Variants in CCDC175 observed in about 807,000 individuals in gnomAD.
CCDC175 encodes the protein coiled-coil domain containing 175.
A neutral mutation model predicts 114.6 loss-of-function variants in CCDC175; 100 were observed. The ratio of observed to expected loss-of-function variants is 0.87; its 90% confidence interval spans 0.74 to 1.03. The LOEUF (loss-of-function observed/expected upper bound fraction) is 1.03, where lower values mean the gene tolerates loss of function less well. Ranked by LOEUF, CCDC175 falls within the 50% of genes least tolerant of loss-of-function variation. CCDC175 has a pLI of 0.00. For missense variants in CCDC175, 880 were observed against 917.8 expected (o/e 0.96, Z 0.53); for synonymous variants, 306 against 308.7 (o/e 0.99, Z 0.09).
At chr14:59,507,686 C>T (rs997426896) in intron 19 of CCDC175, among the ~76,000 whole-genome samples, 1 of 152,200 alleles carries the variant, frequency 6.6e-6, no homozygotes, top group African/African-American at 2.4e-5. Context: ...ACTATCACCT[C>T]TCCAGGAGGG....
chr14:59,519,888 C>G (rs1189462082), intron 17 of CCDC175, among the ~76,000 whole-genome samples: 2 of 152,228 alleles, frequency 1.3e-5, no homozygotes, highest in African/African-American at 4.8e-5. Flanking sequence ...GGCCAAACTG[C>G]TACATGGAGA....
rs1007062957 is a variant in CCDC175, at chr14:59,510,602, T to C, written c.2305+44A>G. On this transcript the variant is annotated intron_variant, in intron 19 of 19. Coordinates refer to ENST00000537690, the MANE Select transcript of CCDC175 (RefSeq NM_001164399.2). ...TGATGTTACCAGCTATATAGTAAAATAGCAGGAAGTCCCATGTTACCAAAG... is the reference window on the plus strand; with the variant it reads ...TGATGTTACCAGCTATATAGTAAAACAGCAGGAAGTCCCATGTTACCAAAG... The C allele has an allele frequency of 9.8e-6, 15 of 1,528,458 alleles. No individual in the cohort carries two copies. The Admixed American group carries it at 2.6e-4, about 26-fold the overall frequency. 94.7% of individuals were successfully genotyped at this position (1,528,458 alleles called of 1,614,324 possible).
At chr14:59,555,246 C>T (rs889484595) in intron 7 of CCDC175, among the ~76,000 whole-genome samples, 11 of 151,726 alleles carry the variant, frequency 7.2e-5, no homozygotes, top group African/African-American at 2.4e-4. Flanking sequence ...TCCAGCAGCA[C>T]ATCAAAAAGC....
intron 17 of CCDC175, among the ~76,000 whole-genome samples, chr14:59,515,085 G>C (rs1892994584): frequency 6.6e-6 from 1 of 152,106 alleles, no homozygotes; most frequent in Non-Finnish European, 1.5e-5. Context: ...AAATGAAGGA[G>C]AAATAAAATC....
intron 11 of CCDC175, 59 bp from the exon 12 acceptor site, chr14:59,538,899 T>G: frequency 6.8e-7 from 1 of 1,462,272 alleles, no homozygotes; most frequent in Admixed American, 2.5e-5. Context: ...ACTAAAAAGA[T>G]GAAGAAATTC....
chr14:59,572,663 G>T, intron 3 of CCDC175, 39 bp downstream of exon 3: 2 of 1,109,984 alleles, frequency 1.8e-6, no homozygotes, highest in East Asian at 2.7e-5. Flanking sequence ...TCTGTTATAA[G>T]ATCAACTAAA....
intron 3 of CCDC175, among the ~76,000 whole-genome samples, chr14:59,569,663 C>T (rs1396839791): frequency 1.3e-5 from 2 of 149,104 alleles, no homozygotes; most frequent in Non-Finnish European, 3.0e-5. Flanking sequence ...ATTTTCTTTC[C>T]CTGCATGTAT....
intron 13 of CCDC175, among the ~76,000 whole-genome samples, chr14:59,533,986 T>TA (rs1566609176): frequency 2.1e-4 from 2 of 9,358 alleles, no homozygotes; most frequent in East Asian, 4.2e-3. Flanking sequence ...GAGACCCCTT[T>TA]TAAAAAAAAA....
At chr14:59,519,649 G>A (rs762421274) in intron 17 of CCDC175, among the ~76,000 whole-genome samples, 2 of 152,208 alleles carry the variant, frequency 1.3e-5, no homozygotes, top group Non-Finnish European at 2.9e-5. Context: ...GTGACAGATT[G>A]TATTTTCCAA....
chr14:59,575,846 C>G (rs2140141143), intron 1 of CCDC175, among the ~76,000 whole-genome samples: 1 of 149,746 alleles, frequency 6.7e-6, no homozygotes, highest in East Asian at 2.0e-4. Flanking sequence ...AGCATATTTG[C>G]TAAGAATTGT....
At position 59,563,820 on chromosome 14, in the gene CCDC175, C is replaced by A; in HGVS notation, c.760G>T (p.Glu254Ter). 6.9e-7 allele frequency: 1 copy of A among 1,439,628 alleles called. No homozygotes were observed. The highest frequency in any genetic ancestry group is 1.5e-5 in the South Asian group (1 of 68,324). The allele number at this position is 1,439,628 out of a possible 1,614,324, so 89.2% of individuals were successfully genotyped here. A position where few individuals can be genotyped will look rare whatever the true frequency, so the allele number is the denominator to read the frequency against. ...AATTCTTTCTTCTTTTGATAAGTCTCCATTCTCTTTACTTCACGGGTATTT... is the reference window on the plus strand; with the variant it reads ...AATTCTTTCTTCTTTTGATAAGTCTACATTCTCTTTACTTCACGGGTATTT... ...FENTREVKRM[E>*]TYQKKKELDK... The change falls in exon 6 of 20, where the codon GAG becomes TAG. Residue 254 changes from glutamate to a stop codon, truncating the protein, a stop_gained. Transcript: ENST00000537690. LOFTEE classifies it high-confidence loss of function.
rs143793974 is a variant in CCDC175, at chr14:59,573,300, G to GA, written c.244-488dup. Among the ~76,000 whole-genome samples the GA allele has an allele frequency of 5.3e-3, 802 of 152,132 alleles. 8 individuals carry two copies. Among genetic ancestry groups the GA allele is most frequent in the African/African-American group, 0.019 (774 of 41,530 alleles). On this transcript the variant is annotated intron_variant, in intron 2 of 19. Transcript: ENST00000537690. ...ACACTGCTAAGAAATCAGTTGGTGG[G>GA]AAAAAATAGATAAATCATCTTTTAA... is the stretch of plus-strand genomic sequence containing the variant.
chr14:59,536,258 G>A (rs758939836), intron 13 of CCDC175, among the ~76,000 whole-genome samples: 3 of 151,834 alleles, frequency 2.0e-5, no homozygotes, highest in East Asian at 2.0e-4. Context: ...CCCTCTGCCC[G>A]GAGCCATCTC....
chr14:59,574,048 G>A (rs774543381), intron 2 of CCDC175, among the ~76,000 whole-genome samples: 13 of 152,094 alleles, frequency 8.5e-5, no homozygotes, highest in Non-Finnish European at 1.3e-4. Context: ...ACCAAGCAGG[G>A]AAAAATGTTT....
At chr14:59,515,036 T>A (rs1892991586) in intron 17 of CCDC175, among the ~76,000 whole-genome samples, 1 of 152,152 alleles carries the variant, frequency 6.6e-6, no homozygotes, top group Non-Finnish European at 1.5e-5. Flanking sequence ...AAAAGAATTT[T>A]CAACCCAGAA....
chr14:59,537,966 C>A (rs879101028), intron 13 of CCDC175, 57 bp downstream of exon 13: 2 of 1,029,052 alleles, frequency 1.9e-6, no homozygotes, highest in Non-Finnish European at 1.4e-6. Context: ...AAATATTATT[C>A]CCCCTCCCCC....
intron 15 of CCDC175, among the ~76,000 whole-genome samples, chr14:59,526,693 C>T (rs538275736): frequency 1.4e-4 from 21 of 152,236 alleles, no homozygotes; most frequent in African/African-American, 5.1e-4. Context: ...CATCTCTTTA[C>T]CTGCTGCTAA....
intron 13 of CCDC175, among the ~76,000 whole-genome samples, chr14:59,536,405 C>G (rs1323023543): frequency 6.6e-6 from 1 of 151,976 alleles, no homozygotes; most frequent in Non-Finnish European, 1.5e-5. Context: ...TTCTCTATGC[C>G]ATTTATCACC....
intron 4 of CCDC175, among the ~76,000 whole-genome samples, chr14:59,568,021 C>A (rs997870767): frequency 6.6e-6 from 1 of 152,176 alleles, no homozygotes; most frequent in African/African-American, 2.4e-5. Context: ...TGAAATATTA[C>A]AAGCCTCCTG....
Sources: gnomAD v4.1 joint callset for allele counts (sites outside exome capture counted in the v4.1 genomes callset) on GRCh38, gnomAD v4.1.1 for gene constraint, MANE v1.5 for transcripts, NCBI Gene and HGNC (gene_info 2026-07-23, HGNC 2026-07-21) for gene names.